CPN1: variants seen among roughly 807,000 people sequenced by gnomAD.
The protein encoded by CPN1 is carboxypeptidase N catalytic chain.
In CPN1, 37 loss-of-function variants were observed where a neutral mutation model predicts 46.4. The ratio of observed to expected loss-of-function variants is 0.80; its 90% CI spans 0.61 to 1.05. The LOEUF is 1.05. Among genes scored for constraint, CPN1 ranks in the 50% least tolerant of loss-of-function variants. The pLI, the probability that CPN1 is intolerant of heterozygous loss-of-function variation, is 0.00. For synonymous variants in CPN1, 224 were observed against 235.4 expected (o/e 0.95, Z 0.44); for missense variants, 563 against 602.6 (o/e 0.93, Z 0.69).
chr10:100,054,607 A>G lies in CPN1; in HGVS notation c.1012-161T>C, dbSNP rs117930200. 9.9e-4 allele frequency among the ~76,000 whole-genome samples: 151 copies of G among 152,308 alleles called. No individual in the cohort carries two copies. The East Asian group carries it at 0.017, about 17-fold the overall frequency. On this transcript the variant is annotated intron_variant, in intron 6 of 8. Coordinates refer to ENST00000370418, the MANE Select transcript of CPN1 (RefSeq NM_001308.3). ...TCTCTTTGCCTCTCTCCCTGCCCCA[A>G]TTAATCTCTTCGCAATTAGAGTGGT... is the stretch of plus-strand genomic sequence containing the variant.
chr10:100,075,794 C>G, intron 2 of CPN1, 117 bp downstream of exon 2: 2 of 1,143,188 alleles, frequency 1.7e-6, no homozygotes, highest in Admixed American at 2.1e-5. Flanking sequence ...GCCATTTCAT[C>G]TTTTACTTTT....
At chr10:100,064,391 T>G (rs2041440182) in intron 4 of CPN1, among the ~76,000 whole-genome samples, 1 of 149,586 alleles carries the variant, frequency 6.7e-6, no homozygotes, top group Non-Finnish European at 1.5e-5. Context: ...TATATAATTT[T>G]TTTTTTGAGA....
intron 7 of CPN1, 49 bp from the exon 8 acceptor site, chr10:100,048,925 C>A: frequency 7.0e-7 from 1 of 1,437,844 alleles, no homozygotes; most frequent in Admixed American, 1.7e-5. Context: ...AAATCTGTCC[C>A]AAATAAGCTA....
intron 7 of CPN1, among the ~76,000 whole-genome samples, chr10:100,051,375 T>C (rs1043096394): frequency 7.9e-5 from 12 of 152,242 alleles, no homozygotes; most frequent in Admixed American, 7.2e-4. Flanking sequence ...ACTTGAATCC[T>C]GAAGTGGTTA....
rs1031921297 is a variant in CPN1, at chr10:100,042,657, G to A, written c.1231-84C>T. The A allele has an allele frequency of 2.9e-5, 46 of 1,560,344 alleles. No homozygotes were observed. The East Asian group carries it at 8.7e-4, about 30-fold the overall frequency. On this transcript the variant is annotated intron_variant, in intron 8 of 8. Coordinates refer to ENST00000370418, the MANE Select transcript of CPN1 (RefSeq NM_001308.3). ...CAGTTTCTGAGGGCTGGGTACTAGG[G>A]AAAATTATTATAGCAGTGACCCAGA...
intron 1 of CPN1, among the ~76,000 whole-genome samples, chr10:100,077,699 T>C (rs1347846717): frequency 6.6e-6 from 1 of 152,218 alleles, no homozygotes; most frequent in Non-Finnish European, 1.5e-5. Flanking sequence ...TGGTGGATTT[T>C]CCATAGCGAG....
rs1222823474 is a variant in CPN1 at position 100,081,569 on chromosome 10, G to A, written c.57C>T (p.Ala19=). The part of the protein sequence containing the change: ...LHLLLLFKLV[A]PVTFRHHRYD... ...AGCGGTGGTGGCGAAAGGTCACCGG[G>A]GCAACCAACTTGAAGAGAAGGAGGA... is the stretch of plus-strand genomic sequence containing the variant. Residue 19 remains alanine, a synonymous_variant, in exon 1 of 9, where the codon GCC becomes GCT. Transcript: ENST00000370418. The A allele has an allele frequency of 1.2e-6, 2 of 1,614,122 alleles. No individual in the cohort carries two copies. The highest frequency in any genetic ancestry group is 1.7e-6 in the Non-Finnish European group (2 of 1,180,038).
intron 7 of CPN1, among the ~76,000 whole-genome samples, chr10:100,053,249 G>A (rs1377328363): frequency 1.3e-5 from 2 of 152,196 alleles, no homozygotes; most frequent in Non-Finnish European, 2.9e-5. Flanking sequence ...AAAGCTGAGA[G>A]TTCATCCAGC....
rs990028746 is a variant in CPN1, at chr10:100,057,061, CT to C, written c.962del (p.Gln321ArgfsTer11). 6.2e-7 allele frequency: 1 copy of C among 1,614,168 alleles called. No individual in the cohort carries two copies. The highest frequency in any genetic ancestry group is 1.7e-5 in the Admixed American group (1 of 60,020). On this transcript the variant is annotated frameshift_variant, in exon 6 of 9. Coordinates refer to ENST00000370418, the MANE Select transcript of CPN1 (RefSeq NM_001308.3). LOFTEE classifies it high-confidence loss of function. The stretch of plus-strand genomic sequence containing the variant: ...CTTCCCGATTACCCAGCCACTCCCG[CT>C]GTAACTCCTCTTCGGGGGGAAACTT... ...CDKFPPEEEL[Q>X]REWLGNREAL...
At position 100,048,789 on chromosome 10, in the gene CPN1, G is replaced by C. The variant is rs780243866; in HGVS notation, c.1199C>G (p.Thr400Ser). ...TAPGYDPETV[T>S]VTVGPAEPTL... ...TGGTTCCGCAGGACCCACGGTCACA[G>C]TTACTGTCTCTGGGTCATACCCAGG... Residue 400 changes from threonine to serine, a missense_variant, in exon 8 of 9, where the codon ACT (threonine) becomes AGT (serine). Transcript: ENST00000370418. 3.1e-6 allele frequency: 5 copies of C among 1,613,636 alleles called. No individual in the cohort carries two copies. The highest frequency in any genetic ancestry group is 1.7e-4 in the Middle Eastern group (1 of 6,060).
chr10:100,043,591 T>C (rs2041291285), intron 8 of CPN1, among the ~76,000 whole-genome samples: 1 of 152,094 alleles, frequency 6.6e-6, no homozygotes, highest in South Asian at 2.1e-4. Context: ...CTAAACCTTC[T>C]GCCTACTTGT....
At chr10:100,064,632 C>T (rs1247758945) in intron 4 of CPN1, among the ~76,000 whole-genome samples, 2 of 152,020 alleles carry the variant, frequency 1.3e-5, no homozygotes, top group South Asian at 2.1e-4. Flanking sequence ...TCGTCTGCCT[C>T]GGCCTCCCAA....
intron 6 of CPN1, 120 bp downstream of exon 6, chr10:100,056,893 G>C: frequency 8.3e-7 from 1 of 1,206,880 alleles, no homozygotes. Flanking sequence ...GGAAGAAGAC[G>C]CCCAGATCTA....
intron 5 of CPN1, among the ~76,000 whole-genome samples, chr10:100,058,188 T>C (rs760321531): frequency 2.6e-5 from 4 of 152,312 alleles, no homozygotes; most frequent in Non-Finnish European, 5.9e-5. Flanking sequence ...TTCCATTTCA[T>C]GACTGAATTT....
chr10:100,044,564 T>G (rs1335757707), intron 8 of CPN1, among the ~76,000 whole-genome samples: 1 of 151,896 alleles, frequency 6.6e-6, no homozygotes. Context: ...TTTGTAGAGA[T>G]ATGATTTCGC....
At chr10:100,051,162 C>G (rs1257441056) in intron 7 of CPN1, among the ~76,000 whole-genome samples, 1 of 152,188 alleles carries the variant, frequency 6.6e-6, no homozygotes, top group Non-Finnish European at 1.5e-5. Flanking sequence ...TCAATTATGA[C>G]AGTGATTTTA....
chr10:100,058,406 T>A (rs2041397430), intron 5 of CPN1, among the ~76,000 whole-genome samples: 1 of 152,206 alleles, frequency 6.6e-6, no homozygotes, highest in Non-Finnish European at 1.5e-5. Flanking sequence ...AAAATACCCA[T>A]CCCAGAAAAA....
chr10:100,054,346 C>T lies in CPN1; in HGVS notation c.1111+1G>A. The T allele has an allele frequency of 2.5e-6, 4 of 1,612,752 alleles. No homozygotes were observed. The highest frequency in any genetic ancestry group is 3.4e-6 in the Non-Finnish European group (4 of 1,178,858). On this transcript the variant is annotated splice_donor_variant, in intron 7 of 8. Coordinates refer to ENST00000370418, the MANE Select transcript of CPN1 (RefSeq NM_001308.3). LOFTEE classifies it high-confidence loss of function. ...CTTACCCCTAAGCAGTGACCACCTA[C>T]CTGAAGTGACATCATGGTTAATCCC...
chr10:100,054,508 G>C, intron 6 of CPN1, 62 bp from the exon 7 acceptor site: 2 of 1,325,202 alleles, frequency 1.5e-6, no homozygotes. Flanking sequence ...CAGTGTTTTA[G>C]AGTCTCAAAG....
Sources: gnomAD v4.1 joint callset for allele counts (sites outside exome capture counted in the v4.1 genomes callset) on GRCh38, gnomAD v4.1.1 for gene constraint, MANE v1.5 for transcripts, NCBI Gene and HGNC (gene_info 2026-07-23, HGNC 2026-07-21) for gene names.